PTPRM: variants seen among roughly 807,000 people sequenced by gnomAD.
PTPRM encodes receptor-type tyrosine-protein phosphatase mu.
PTPRM carries 47 observed loss-of-function variants against 186.7 expected under a neutral mutation model. The observed-to-expected ratio is 0.25, with a 90% CI of 0.20 to 0.32. The LOEUF (loss-of-function observed/expected upper bound fraction) is 0.32. Ranked by LOEUF, PTPRM falls within the 10% of genes least tolerant of loss-of-function variation. PTPRM has a pLI of 1.00. For missense variants in PTPRM, 1,494 were observed against 1,865.0 expected (o/e 0.80, Z 3.66); for synonymous variants, 668 against 674.9 (o/e 0.99, Z 0.16).
intron 7 of PTPRM, among the ~76,000 whole-genome samples, chr18:7,991,264 T>C (rs1168565578): frequency 6.6e-6 from 1 of 152,186 alleles, no homozygotes; most frequent in Non-Finnish European, 1.5e-5. Context: ...ATAGGGGATG[T>C]CATGGTTGTT....
At chr18:8,027,985 G>A (rs776631233) in intron 7 of PTPRM, among the ~76,000 whole-genome samples, 38 of 151,768 alleles carry the variant, frequency 2.5e-4, no homozygotes, top group Non-Finnish European at 4.1e-4. Flanking sequence ...TTATGCACAT[G>A]GCCGTTCATT....
rs1224353108 is a variant in PTPRM at position 8,280,753 on chromosome 18, T to C, written c.2755-15615T>C. On this transcript the variant is annotated intron_variant, in intron 19 of 32. Coordinates refer to ENST00000580170, the MANE Select transcript of PTPRM (RefSeq NM_001105244.2). ...CTGCCAACGTAGAACTGCCCTTACG[T>C]TCTTGTTCTGGAGGGACCACGCACA... Among the ~76,000 whole-genome samples, 3 of 152,098 alleles carry C rather than the reference T, an allele frequency of 2.0e-5. No homozygotes were observed. In the East Asian group the frequency reaches 5.8e-4, roughly 29 times the overall value.
At chr18:7,935,148 G>T (rs901167413) in intron 5 of PTPRM, among the ~76,000 whole-genome samples, 1 of 152,052 alleles carries the variant, frequency 6.6e-6, no homozygotes, top group Non-Finnish European at 1.5e-5. Flanking sequence ...CTTAACTTGG[G>T]TATTTTATGC....
chr18:7,777,466 A>T (rs1229441598), intron 2 of PTPRM, among the ~76,000 whole-genome samples: 3 of 152,218 alleles, frequency 2.0e-5, no homozygotes, highest in Non-Finnish European at 4.4e-5. Context: ...AGCTACAGTG[A>T]GAGTTTAGTA....
At chr18:7,878,161 A>G (rs2048334649) in intron 2 of PTPRM, among the ~76,000 whole-genome samples, 1 of 152,168 alleles carries the variant, frequency 6.6e-6, no homozygotes, top group African/African-American at 2.4e-5. Flanking sequence ...CTCCATTCTA[A>G]TTGTATTTCT....
At chr18:7,696,234 T>C (rs1339487879) in intron 1 of PTPRM, among the ~76,000 whole-genome samples, 1 of 152,210 alleles carries the variant, frequency 6.6e-6, no homozygotes, top group Non-Finnish European at 1.5e-5. Flanking sequence ...TATTTTGACT[T>C]ACTTTATTTC....
chr18:7,896,083 A>G (rs2049339495), intron 3 of PTPRM, among the ~76,000 whole-genome samples: 1 of 152,148 alleles, frequency 6.6e-6, no homozygotes, highest in African/African-American at 2.4e-5. Context: ...CACATATTTA[A>G]TTCCTTAATT....
chr18:7,972,443 C>A, intron 7 of PTPRM, among the ~76,000 whole-genome samples: 2 of 37,700 alleles, frequency 5.3e-5, no homozygotes, highest in African/African-American at 2.2e-4. Context: ...CACATGTACC[C>A]TAAAACTTAA....
chr18:7,779,012 C>G (rs1376726715), intron 2 of PTPRM, among the ~76,000 whole-genome samples: 1 of 152,042 alleles, frequency 6.6e-6, no homozygotes, highest in African/African-American at 2.4e-5. Flanking sequence ...CCTCAGTGTT[C>G]CAGTTCTATA....
At chr18:7,863,669 T>C (rs1313229369) in intron 2 of PTPRM, among the ~76,000 whole-genome samples, 1 of 152,200 alleles carries the variant, frequency 6.6e-6, no homozygotes. Flanking sequence ...TACGTGTGCA[T>C]GTGTCTTTAT....
At chr18:8,102,492 C>G (rs572841372) in intron 11 of PTPRM, among the ~76,000 whole-genome samples, 6 of 152,320 alleles carry the variant, frequency 3.9e-5, no homozygotes, top group African/African-American at 1.4e-4. Context: ...ATCTTCATCA[C>G]AAGTAGATTT....
intron 4 of PTPRM, among the ~76,000 whole-genome samples, chr18:7,920,948 G>C (rs2050826616): frequency 6.6e-6 from 1 of 152,044 alleles, no homozygotes; most frequent in Non-Finnish European, 1.5e-5. Flanking sequence ...TTTTCATTGA[G>C]TTCTGTTGCC....
chr18:8,302,420 C>G (rs984746697), intron 20 of PTPRM, among the ~76,000 whole-genome samples: 1 of 152,070 alleles, frequency 6.6e-6, no homozygotes, highest in Non-Finnish European at 1.5e-5. Flanking sequence ...GAAGCCAGAC[C>G]TACAGAGCCT....
chr18:8,386,380 G>A (rs2095773319), intron 30 of PTPRM, among the ~76,000 whole-genome samples: 1 of 152,124 alleles, frequency 6.6e-6, no homozygotes, highest in Non-Finnish European at 1.5e-5. Flanking sequence ...GGGAGACTGA[G>A]GCAGAGAGAG....
chr18:7,952,865 C>G (rs1212135623), intron 6 of PTPRM, among the ~76,000 whole-genome samples: 1 of 151,982 alleles, frequency 6.6e-6, no homozygotes, highest in Non-Finnish European at 1.5e-5. Context: ...AACTAACCAG[C>G]TGTGGTGGCA....
In PTPRM at chr18:8,084,587, A is replaced by T. The variant is rs1478338724; in HGVS notation, c.1552-1084A>T. On this transcript the variant is annotated intron_variant, in intron 9 of 32. Coordinates refer to ENST00000580170, the MANE Select transcript of PTPRM (RefSeq NM_001105244.2). ...CTTCCTAATTGTAATGACATGGTAT[A>T]AATATAAGAAGAAAGAATGTCAATT... Among the ~76,000 whole-genome samples, 15 of 152,332 alleles carry T rather than the reference A, an allele frequency of 9.8e-5. No homozygotes were observed. The East Asian group carries it at 2.9e-3, about 29-fold the overall frequency.
At chr18:7,956,973 C>T (rs1478129004) in intron 7 of PTPRM, among the ~76,000 whole-genome samples, 2 of 152,180 alleles carry the variant, frequency 1.3e-5, no homozygotes, top group Non-Finnish European at 2.9e-5. Flanking sequence ...CTTTCTACTT[C>T]TAAGCTCACT....
At chr18:8,043,072 C>T (rs1287583528) in intron 7 of PTPRM, among the ~76,000 whole-genome samples, 1 of 152,218 alleles carries the variant, frequency 6.6e-6, no homozygotes, top group Non-Finnish European at 1.5e-5. Context: ...GTACTGTCTT[C>T]AGGCCCTTTG....
In PTPRM at chr18:8,376,092, G is replaced by T. The variant is rs1363731923; in HGVS notation, c.3218G>T (p.Gly1073Val). The part of the protein sequence containing the change: ...IREIRQFHFT[G>V]WPDHGVPYHA... ...GAGATCAGACAGTTTCACTTCACTG[G>T]CTGGCCGGATCATGGGGTCCCCTAC... Residue 1073 changes from glycine (G) to valine (V), a missense_variant, in exon 25 of 33, where the codon GGC (glycine) becomes GTC (valine). Gly to Val is a moderately radical substitution (Grantham distance 109, BLOSUM62 -3). Transcript: ENST00000580170. 6.2e-7 allele frequency: 1 copy of T among 1,613,746 alleles called. No individual in the cohort carries two copies.
Sources: allele counts gnomAD v4.1 joint callset (sites outside exome capture counted in the v4.1 genomes callset), GRCh38; gene constraint gnomAD v4.1.1; transcripts MANE v1.5; gene names NCBI Gene and HGNC (gene_info 2026-07-23, HGNC 2026-07-21).